Variants in GRIA1 observed in about 807,000 individuals in gnomAD.
The protein encoded by GRIA1 is glutamate ionotropic receptor AMPA type subunit 1, also known as glutamate receptor 1.
A neutral mutation model predicts 99.2 loss-of-function variants in GRIA1; 31 were observed. The ratio of observed to expected loss-of-function variants is 0.31; its 90% CI spans 0.23 to 0.42. The LOEUF (loss-of-function observed/expected upper bound fraction) is 0.42. Ranked by LOEUF, GRIA1 falls within the 10% of genes least tolerant of loss-of-function variation. The pLI, the probability that GRIA1 is intolerant of heterozygous loss-of-function variation, is 1.00. For synonymous variants in GRIA1, 438 were observed against 432.4 expected (o/e 1.01, Z -0.16); for missense variants, 782 against 1,157.5 (o/e 0.68, Z 4.71).
At chr5:153,810,098 T>C (rs1263425265) in intron 15 of GRIA1, among the ~76,000 whole-genome samples, 1 of 152,242 alleles carries the variant, frequency 6.6e-6, no homozygotes, top group African/African-American at 2.4e-5. Context: ...TCTAAGACGA[T>C]ATGGTTCTAG....
At chr5:153,546,382 G>A (rs1759619955) in intron 2 of GRIA1, among the ~76,000 whole-genome samples, 1 of 152,122 alleles carries the variant, frequency 6.6e-6, no homozygotes, top group Non-Finnish European at 1.5e-5. Flanking sequence ...AAATTTTTTG[G>A]AAGTGCTTTG....
At chr5:153,601,205 T>C (rs1451901815) in intron 2 of GRIA1, among the ~76,000 whole-genome samples, 6 of 152,202 alleles carry the variant, frequency 3.9e-5, no homozygotes, top group African/African-American at 1.4e-4. Flanking sequence ...AGAGATGCTG[T>C]TATCCCCATT....
At chr5:153,675,774 T>C (rs754839814) in intron 6 of GRIA1, among the ~76,000 whole-genome samples, 44 of 152,086 alleles carry the variant, frequency 2.9e-4, no homozygotes, top group Non-Finnish European at 4.3e-4. Flanking sequence ...GAAAACTACA[T>C]AGGAATTAAT....
intron 2 of GRIA1, chr5:153,494,449 G>A (rs1754220546): frequency 5.9e-6 from 1 of 170,320 alleles, no homozygotes; most frequent in Non-Finnish European, 1.3e-5. Flanking sequence ...AAGTGCTTAA[G>A]GCATTTCCTA....
chr5:153,530,859 C>A (rs1489699756), intron 2 of GRIA1, among the ~76,000 whole-genome samples: 2 of 152,246 alleles, frequency 1.3e-5, no homozygotes, highest in Non-Finnish European at 2.9e-5. Context: ...AAAATAGTTA[C>A]TGAACACCTA....
At chr5:153,570,901 T>C (rs1204383988) in intron 2 of GRIA1, among the ~76,000 whole-genome samples, 1 of 152,188 alleles carries the variant, frequency 6.6e-6, no homozygotes, top group African/African-American at 2.4e-5. Context: ...ACTATAGATA[T>C]TCAGAATGTC....
chr5:153,541,537 A>T (rs1028903479), intron 2 of GRIA1, among the ~76,000 whole-genome samples: 1 of 152,124 alleles, frequency 6.6e-6, no homozygotes, highest in Non-Finnish European at 1.5e-5. Context: ...GCAGGTATTA[A>T]CTCTAAATTC....
intron 7 of GRIA1, among the ~76,000 whole-genome samples, 157 bp downstream of exon 7, chr5:153,677,318 T>C (rs530669889): frequency 1.1e-4 from 16 of 150,462 alleles, no homozygotes; most frequent in South Asian, 4.3e-4. Context: ...TTAGCATACA[T>C]TGAAGCTCAT....
At chr5:153,690,256 AATAAT>A (rs201443859) in intron 8 of GRIA1, among the ~76,000 whole-genome samples, 47 of 150,620 alleles carry the variant, frequency 3.1e-4, no homozygotes, top group African/African-American at 9.0e-4. Context: ...AAGGAATACA[AATAAT>A]ATAATATAAT....
intron 11 of GRIA1, among the ~76,000 whole-genome samples, chr5:153,733,893 A>G (rs1012573136): frequency 2.0e-5 from 3 of 152,202 alleles, no homozygotes; most frequent in Non-Finnish European, 2.9e-5. Flanking sequence ...AGGAAGAAAT[A>G]GCAATATAAC....
At chr5:153,616,453 A>G (rs1766510132) in intron 2 of GRIA1, among the ~76,000 whole-genome samples, 1 of 151,244 alleles carries the variant, frequency 6.6e-6, no homozygotes, top group South Asian at 2.1e-4. Context: ...AAATACACCA[A>G]CATCAATGAT....
intron 2 of GRIA1, among the ~76,000 whole-genome samples, chr5:153,519,553 A>G (rs995332620): frequency 2.0e-5 from 3 of 152,038 alleles, no homozygotes; most frequent in African/African-American, 7.2e-5. Flanking sequence ...GTGACTGAAT[A>G]AAGCCAGTTA....
Position 153,766,819 on chromosome 5 carries a change from G to A in GRIA1, c.2022+2187G>A, listed in dbSNP as rs539068854. Reference sequence around the variant, plus strand: ...CCTACCTAATGAGAGGCACAGCTGGGATTTAAAATTTCAAAAGTCTTTGTT... The same window carrying A: ...CCTACCTAATGAGAGGCACAGCTGGAATTTAAAATTTCAAAAGTCTTTGTT... On this transcript the variant is annotated intron_variant, in intron 12 of 15. Coordinates refer to ENST00000285900, the MANE Select transcript of GRIA1 (RefSeq NM_000827.4). Among the ~76,000 whole-genome samples, 15 of 152,322 alleles carry A rather than the reference G, an allele frequency of 9.8e-5. No individual in the cohort carries two copies. In the South Asian group the frequency reaches 2.9e-3, roughly 29 times the overall value.
chr5:153,642,842 G>A (rs1753872133), intron 2 of GRIA1, among the ~76,000 whole-genome samples: 1 of 152,038 alleles, frequency 6.6e-6, no homozygotes, highest in Admixed American at 6.5e-5. Context: ...TCCATCTCTG[G>A]CTCCCTTTCT....
At chr5:153,583,700 C>G (rs957421715) in intron 2 of GRIA1, among the ~76,000 whole-genome samples, 4 of 151,942 alleles carry the variant, frequency 2.6e-5, no homozygotes, top group Non-Finnish European at 1.5e-5. Flanking sequence ...CAGGAGATAC[C>G]CAAAACATGA....
intron 5 of GRIA1, among the ~76,000 whole-genome samples, chr5:153,657,762 G>A (rs141227699): frequency 6.6e-6 from 1 of 152,152 alleles, no homozygotes; most frequent in African/African-American, 2.4e-5. Flanking sequence ...TCGGAGTGAG[G>A]ACTTGAAATA....
intron 11 of GRIA1, among the ~76,000 whole-genome samples, chr5:153,742,117 T>A (rs1385320048): frequency 6.6e-6 from 1 of 150,982 alleles, no homozygotes; most frequent in Non-Finnish European, 1.5e-5. Flanking sequence ...CGAAAAAAAA[T>A]ATGTTGCTTT....
intron 2 of GRIA1, among the ~76,000 whole-genome samples, chr5:153,530,473 T>A (rs1342119307): frequency 2.0e-5 from 3 of 152,200 alleles, no homozygotes; most frequent in Non-Finnish European, 4.4e-5. Flanking sequence ...CTTTTCTTTG[T>A]TTCCCCTCTC....
chr5:153,808,035 A>G (rs1397663099), intron 15 of GRIA1, among the ~76,000 whole-genome samples: 1 of 152,260 alleles, frequency 6.6e-6, no homozygotes, highest in African/African-American at 2.4e-5. Flanking sequence ...GCAGGTGGTC[A>G]CTGGTGCTTT....
Sources: allele counts gnomAD v4.1 joint callset (sites outside exome capture counted in the v4.1 genomes callset), GRCh38; gene constraint gnomAD v4.1.1; transcripts MANE v1.5; gene names NCBI Gene and HGNC (gene_info 2026-07-23, HGNC 2026-07-21).